PBRM1: variants seen among roughly 807,000 people sequenced by gnomAD.
PBRM1 encodes protein polybromo-1.
Under a neutral mutation model 194.5 loss-of-function variants are expected in PBRM1, and 27 were observed. The observed-to-expected ratio is 0.14, with a 90% CI of 0.10 to 0.19. PBRM1 has a LOEUF of 0.19. PBRM1 is among the 10% of genes least tolerant of loss of function. The probability of loss-of-function intolerance (pLI) is 1.00; values close to 1 mark genes in which losing one functional copy is unlikely to be tolerated. For synonymous variants in PBRM1, 655 were observed against 693.2 expected, an observed-to-expected ratio of 0.94 and a Z score of 0.87; for missense variants, 1,466 against 2,077.2, an observed-to-expected ratio of 0.71 and a Z score of 5.72.
intron 3 of PBRM1, among the ~76,000 whole-genome samples, 166 bp from the exon 5 acceptor site, chr3:52,662,442 T>A (rs778970582): frequency 5.9e-5 from 9 of 152,216 alleles, no homozygotes; most frequent in Non-Finnish European, 1.3e-4. Flanking sequence ...AAAAATTAAG[T>A]GTATGTTTTA....
At chr3:52,558,337 T>G (rs773739740) in exon 26 of PBRM1, 1 of 1,550,150 alleles carries the variant, frequency 6.5e-7, no homozygotes, top group South Asian at 1.2e-5. Flanking sequence ...GGGTGCCTGC[T>G]CGGGGAGAAG....
At chr3:52,592,122 GT>G (rs1168998355) in intron 17 of PBRM1, among the ~76,000 whole-genome samples, 3,712 of 120,264 alleles carry the variant, frequency 0.031, 74 homozygotes, top group African/African-American at 0.066. Context: ...ACTGCACCAG[GT>G]TTTTTTTTTT....
chr3:52,600,913 A>G (rs1345253036), intron 17 of PBRM1, among the ~76,000 whole-genome samples: 2 of 152,214 alleles, frequency 1.3e-5, no homozygotes, highest in African/African-American at 4.8e-5. Flanking sequence ...CTGGGATTAC[A>G]GTCATGAGCC....
At chr3:52,593,833 T>C (rs1411700809) in intron 17 of PBRM1, among the ~76,000 whole-genome samples, 1 of 152,158 alleles carries the variant, frequency 6.6e-6, no homozygotes, top group East Asian at 1.9e-4. Flanking sequence ...CTGAGGATTG[T>C]TTTATGTCCA....
At chr3:52,673,073 C>T (rs960904428) in intron 2 of PBRM1, among the ~76,000 whole-genome samples, 28 of 151,214 alleles carry the variant, frequency 1.9e-4, no homozygotes, top group African/African-American at 6.3e-4. Flanking sequence ...CTGCAACCTC[C>T]GCCTCCCGGG....
intron 3 of PBRM1, among the ~76,000 whole-genome samples, chr3:52,666,722 C>T (rs1244431712): frequency 1.3e-5 from 2 of 151,732 alleles, no homozygotes; most frequent in African/African-American, 2.4e-5. Context: ...GAAATCCCGT[C>T]TCTATCAAAA....
chr3:52,640,185 TCTGGTTATTATTCGC>T (rs57228349), intron 10 of PBRM1, among the ~76,000 whole-genome samples: 77,578 of 151,156 alleles, frequency 0.51, 20,196 homozygotes, highest in Admixed American at 0.6. Context: ...GTGTAGCTAC[TCTGGTTATTATTCGC>T]CTGGTTATTA....
At chr3:52,559,358 G>C (rs920034023) in intron 25 of PBRM1, among the ~76,000 whole-genome samples, 12 of 152,138 alleles carry the variant, frequency 7.9e-5, no homozygotes, top group Admixed American at 6.5e-4. Flanking sequence ...GTCTTTTTGT[G>C]AGCTAGCAGA....
chr3:52,634,456 AG>A, intron 11 of PBRM1, 145 bp downstream of exon 12: 9 of 538,586 alleles, frequency 1.7e-5, no homozygotes, highest in Admixed American at 6.7e-5. Flanking sequence ...AAAAAAAAAA[AG>A]GTAATGAACA....
intron 20 of PBRM1, 178 bp from the exon 23 acceptor site, chr3:52,579,377 A>C: frequency 3.3e-6 from 2 of 607,538 alleles, no homozygotes; most frequent in East Asian, 2.8e-5. Flanking sequence ...CTTGAGCCCA[A>C]GAGTTTGAGA....
rs950371759 is a variant in PBRM1 at position 52,674,067 on chromosome 3, T to G, written c.236+4433A>C. ...CACTGTCTCAAAAAAAAAATATATATATAGATATATATATAGAATGCAGAT... is the reference window on the plus strand; with the variant it reads ...CACTGTCTCAAAAAAAAAATATATAGATAGATATATATATAGAATGCAGAT... On this transcript the variant is annotated intron_variant, in intron 2 of 29. Coordinates refer to ENST00000296302, the Ensembl canonical transcript of PBRM1. Among the ~76,000 whole-genome samples, 7 of 150,834 alleles carry G rather than the reference T, an allele frequency of 4.6e-5. No homozygotes were observed. In the South Asian group the frequency reaches 6.3e-4, roughly 14 times the overall value.
chr3:52,576,627 G>C (rs764361753), exon 22 of PBRM1: 1 of 1,608,960 alleles, frequency 6.2e-7, no homozygotes, highest in Non-Finnish European at 8.5e-7. Context: ...CTCATGCTCT[G>C]TTTCTTCTGG....
chr3:52,629,373 G>A (rs1222982260), intron 11 of PBRM1, among the ~76,000 whole-genome samples: 1 of 152,152 alleles, frequency 6.6e-6, no homozygotes, highest in African/African-American at 2.4e-5. Flanking sequence ...TAGTTCATAC[G>A]TGAACCTTAT....
Position 52,644,605 on chromosome 3 carries a change from G to A in PBRM1, c.899+99C>T, listed in dbSNP as rs138200462. 21,090 of 507,842 alleles carry A rather than the reference G, an allele frequency of 0.042. 596 individuals carry two copies. Among genetic ancestry groups the A allele is most frequent in the Non-Finnish European group, 0.051 (14,546 of 285,292 alleles). 31.5% of individuals were successfully genotyped at this position (507,842 alleles called of 1,614,324 possible). On this transcript the variant is annotated intron_variant, in intron 8 of 29. Transcript: ENST00000296302. ...TCACCATGTTGGCCAGGATGGTCTC[G>A]ATCTCTTGACCTCGTGATCCGCCCA...
intron 17 of PBRM1, among the ~76,000 whole-genome samples, chr3:52,599,016 CTCAAAAAAAAA>C (rs1560220468): frequency 1.2e-5 from 1 of 86,900 alleles, no homozygotes. Flanking sequence ...TGCCAGATAT[CTCAAAAAAAAA>C]AAAAAAAAAA....
intron 22 of PBRM1, among the ~76,000 whole-genome samples, chr3:52,568,272 C>A (rs998944962): frequency 2.6e-5 from 4 of 152,132 alleles, no homozygotes; most frequent in Non-Finnish European, 4.4e-5. Context: ...AGTCATCACA[C>A]TGGGCCCTAG....
rs1259143896 is a variant in PBRM1 at position 52,609,455 on chromosome 3, C to T, written c.2425G>A (p.Ala809Thr). ...TTGTTAGGAAAGTTGGGATCCACAGCAGGAATTTCTGCTAAAGAATCGCTG... is the reference window on the plus strand; with the variant it reads ...TTGTTAGGAAAGTTGGGATCCACAGTAGGAATTTCTGCTAAAGAATCGCTG... The change falls in exon 16 of 30, where the codon GCT becomes ACT. Residue 809 changes from alanine (A) to threonine (T), a missense_variant. Coordinates refer to ENST00000296302, the Ensembl canonical transcript of PBRM1. This position sits in a 1 kb window ranked among gnomAD's most constrained non-coding sequence, Gnocchi z 4.1. 3 of 1,614,074 alleles carry T rather than the reference C, an allele frequency of 1.9e-6. No homozygotes were observed. The Admixed American group carries it at 5.0e-5, about 27-fold the overall frequency.
chr3:52,582,771 T>C (rs1436738732), intron 20 of PBRM1, among the ~76,000 whole-genome samples: 7 of 152,068 alleles, frequency 4.6e-5, no homozygotes, highest in East Asian at 3.9e-4. Context: ...AGTACTACCA[T>C]TGGAGCATAT....
chr3:52,548,017 T>A, exon 30 of PBRM1: 4 of 1,535,322 alleles, frequency 2.6e-6, no homozygotes, highest in Non-Finnish European at 2.7e-6. Context: ...TGGCTACTGA[T>A]CCACAACTCT....
Sources: gnomAD v4.1 joint callset for allele counts (sites outside exome capture counted in the v4.1 genomes callset) on GRCh38, gnomAD v4.1.1 for gene constraint, Gnocchi (gnomAD v3.1) non-coding constraint, MANE v1.5 for transcripts, NCBI Gene and HGNC (gene_info 2026-07-23, HGNC 2026-07-21) for gene names.